GAREM1: variants seen among roughly 807,000 people sequenced by gnomAD.
GAREM1 encodes the protein GRB2-associated and regulator of MAPK protein 1.
A neutral mutation model predicts 71.3 loss-of-function variants in GAREM1; 26 were observed. The observed-to-expected ratio is 0.36, with a 90% CI of 0.27 to 0.51. The LOEUF is 0.51. Ranked by LOEUF, GAREM1 falls within the 20% of genes least tolerant of loss-of-function variation. The pLI, the probability that GAREM1 is intolerant of heterozygous loss-of-function variation, is 0.95. For synonymous variants in GAREM1, 440 were observed against 433.2 expected (o/e 1.02, Z -0.20); for missense variants, 1,026 against 1,103.1 (o/e 0.93, Z 0.99).
intron 1 of GAREM1, among the ~76,000 whole-genome samples, chr18:32,431,710 G>A (rs2048626829): frequency 6.6e-6 from 1 of 152,194 alleles, no homozygotes; most frequent in African/African-American, 2.4e-5. Context: ...ACTCAAAAAT[G>A]TCAGCAAATA....
At chr18:32,340,378 C>T (rs1463147237) in intron 2 of GAREM1, among the ~76,000 whole-genome samples, 1 of 152,146 alleles carries the variant, frequency 6.6e-6, no homozygotes, top group Non-Finnish European at 1.5e-5. Context: ...AGACCCAGGT[C>T]AAAGCTTCCC....
intron 2 of GAREM1, among the ~76,000 whole-genome samples, chr18:32,345,651 A>T (rs888221105): frequency 6.6e-6 from 1 of 152,234 alleles, no homozygotes; most frequent in African/African-American, 2.4e-5. Flanking sequence ...GCAAATGCTT[A>T]TTTGACTCTT....
intron 2 of GAREM1, among the ~76,000 whole-genome samples, chr18:32,367,462 T>C (rs2047937739): frequency 6.6e-6 from 1 of 152,234 alleles, no homozygotes; most frequent in Admixed American, 6.5e-5. Flanking sequence ...TATAGATTTA[T>C]ATAGCATCTA....
At chr18:32,292,615 C>G (rs1313729219) in intron 3 of GAREM1, among the ~76,000 whole-genome samples, 1 of 152,068 alleles carries the variant, frequency 6.6e-6, no homozygotes, top group Admixed American at 6.5e-5. Flanking sequence ...TGAGTTCTCA[C>G]GAGATATCAT....
intron 3 of GAREM1, among the ~76,000 whole-genome samples, chr18:32,293,953 T>C (rs570296663): frequency 3.3e-5 from 5 of 152,338 alleles, no homozygotes; most frequent in Non-Finnish European, 7.4e-5. Flanking sequence ...ACCTGGTGTG[T>C]ATTCTTAACA....
intron 2 of GAREM1, among the ~76,000 whole-genome samples, chr18:32,347,562 T>C (rs1210140388): frequency 1.3e-5 from 2 of 152,086 alleles, no homozygotes; most frequent in Non-Finnish European, 2.9e-5. Flanking sequence ...AGAAAAACAG[T>C]CTTTTCAAAG....
At chr18:32,269,504 A>T (rs2041426733) in intron 5 of GAREM1, among the ~76,000 whole-genome samples, 1 of 152,178 alleles carries the variant, frequency 6.6e-6, no homozygotes, top group Admixed American at 6.5e-5. Flanking sequence ...GAGGGACGCA[A>T]GGATGTTTCT....
chr18:32,405,262 G>A (rs1461903328), intron 1 of GAREM1, among the ~76,000 whole-genome samples: 1 of 151,838 alleles, frequency 6.6e-6, no homozygotes, highest in Non-Finnish European at 1.5e-5. Context: ...GCAGTGGTGC[G>A]ATCTTGGCTC....
At chr18:32,393,829 C>T (rs541202782) in intron 1 of GAREM1, among the ~76,000 whole-genome samples, 15 of 152,194 alleles carry the variant, frequency 9.9e-5, no homozygotes, top group African/African-American at 3.4e-4. Context: ...TTTCTAGATG[C>T]TGAAATAATC....
rs928441835 is a variant in GAREM1 at position 32,393,660 on chromosome 18, C to T, written c.122-625G>A. Reference sequence around the variant, plus strand: ...TTTTATGTTTGCCAATTTTCTCTGGCCTCCTACCAAACTTCCCGATCAATT... The same window carrying T: ...TTTTATGTTTGCCAATTTTCTCTGGTCTCCTACCAAACTTCCCGATCAATT... On this transcript the variant is annotated intron_variant, in intron 1 of 5. Coordinates refer to ENST00000269209, the MANE Select transcript of GAREM1 (RefSeq NM_001242409.2). Among the ~76,000 whole-genome samples the T allele has an allele frequency of 3.3e-5, 5 of 152,148 alleles. No homozygotes were observed. The East Asian group carries it at 7.7e-4, about 23-fold the overall frequency.
At chr18:32,441,672 G>A (rs566803975) in intron 1 of GAREM1, among the ~76,000 whole-genome samples, 8 of 152,166 alleles carry the variant, frequency 5.3e-5, no homozygotes, top group Middle Eastern at 3.4e-3. Context: ...TTATTTCCCC[G>A]TTTCAGTCAT....
chr18:32,332,022 G>A (rs1047277331), intron 2 of GAREM1, among the ~76,000 whole-genome samples: 1 of 150,994 alleles, frequency 6.6e-6, no homozygotes, highest in Non-Finnish European at 1.5e-5. Context: ...CGTACAGGAA[G>A]GGTGAAGAGA....
intron 2 of GAREM1, among the ~76,000 whole-genome samples, chr18:32,315,821 A>G (rs1401898546): frequency 1.3e-5 from 2 of 152,210 alleles, no homozygotes; most frequent in African/African-American, 4.8e-5. Flanking sequence ...CTGATGAAAT[A>G]AGAAGAGCTT....
chr18:32,308,888 T>G (rs79458666), intron 3 of GAREM1, among the ~76,000 whole-genome samples: 7,175 of 150,140 alleles, frequency 0.048, 821 homozygotes, highest in African/African-American at 0.14. Flanking sequence ...GACAATGAAA[T>G]GGGCAGAACC....
At chr18:32,335,237 A>C (rs2047578160) in intron 2 of GAREM1, among the ~76,000 whole-genome samples, 2 of 152,228 alleles carry the variant, frequency 1.3e-5, no homozygotes, top group Non-Finnish European at 2.9e-5. Context: ...CTATTTGGCG[A>C]ATATTCCAAA....
intron 2 of GAREM1, among the ~76,000 whole-genome samples, chr18:32,313,397 T>C (rs1242691427): frequency 3.3e-5 from 5 of 151,888 alleles, no homozygotes; most frequent in Admixed American, 1.3e-4. Flanking sequence ...GTGCATGCAG[T>C]TGAAAAAATG....
intron 2 of GAREM1, among the ~76,000 whole-genome samples, chr18:32,325,107 C>T (rs533514080): frequency 2.0e-5 from 3 of 152,180 alleles, no homozygotes; most frequent in East Asian, 1.9e-4. Context: ...TACAGCCATG[C>T]GCCACCATGC....
chr18:32,359,045 C>G (rs770813320), intron 2 of GAREM1, among the ~76,000 whole-genome samples: 2 of 152,150 alleles, frequency 1.3e-5, no homozygotes, highest in African/African-American at 4.8e-5. Context: ...GTTTACAACT[C>G]TCATACTGTG....
intron 2 of GAREM1, among the ~76,000 whole-genome samples, chr18:32,314,094 T>G (rs1053674451): frequency 1.3e-5 from 2 of 152,112 alleles, no homozygotes; most frequent in Admixed American, 6.5e-5. Context: ...AAAAAAGTTT[T>G]TTTTTTTTTT....
Sources: allele counts gnomAD v4.1 joint callset (sites outside exome capture counted in the v4.1 genomes callset), GRCh38; gene constraint gnomAD v4.1.1; transcripts MANE v1.5; gene names NCBI Gene and HGNC (gene_info 2026-07-23, HGNC 2026-07-21).